Variants in RPL26L1 observed in about 807,000 individuals in gnomAD.
RPL26L1 encodes ribosomal protein uL24-like.
In RPL26L1, 8 loss-of-function variants were observed where a neutral mutation model predicts 15.2. The observed-to-expected ratio is 0.53, with a 90% CI of 0.31 to 0.95. The LOEUF (loss-of-function observed/expected upper bound fraction) is 0.95, where lower values mean the gene tolerates loss of function less well. Among genes scored for constraint, RPL26L1 ranks in the 40% least tolerant of loss-of-function variants. The pLI, the probability that RPL26L1 is intolerant of heterozygous loss-of-function variation, is 0.05. For synonymous variants in RPL26L1, 51 were observed against 65.9 expected (o/e 0.77, Z 1.09); for missense variants, 146 against 190.9 (o/e 0.76, Z 1.39).
At chr5:172,963,961 T>G (rs915588774) in intron 2 of RPL26L1, among the ~76,000 whole-genome samples, 9 of 152,178 alleles carry the variant, frequency 5.9e-5, no homozygotes, top group African/African-American at 2.2e-4. Flanking sequence ...TCTTGTTTGT[T>G]GTCTGACCTC....
upstream of RPL26L1, chr5:172,955,117 T>G: frequency 2.7e-6 from 1 of 364,232 alleles, no homozygotes; most frequent in Non-Finnish European, 5.3e-6. Flanking sequence ...TCATAAATAG[T>G]AGCTGTGGTT....
At chr5:172,967,808 CAT>C (rs573640581) in intron 2 of RPL26L1, among the ~76,000 whole-genome samples, 86 of 150,552 alleles carry the variant, frequency 5.7e-4, no homozygotes, top group African/African-American at 1.0e-3. Flanking sequence ...GTATATATGA[CAT>C]ATAAGTACAT....
In RPL26L1 at chr5:172,967,114, A is replaced by C. The variant is rs370030863; in HGVS notation, c.169-1345A>C. Among the ~76,000 whole-genome samples the C allele has an allele frequency of 4.3e-3, 654 of 150,932 alleles. 14 individuals are homozygous for C. Among genetic ancestry groups the C allele is most frequent in the South Asian group, 0.037 (171 of 4,674 alleles). On this transcript the variant is annotated intron_variant, in intron 2 of 3. Coordinates refer to ENST00000265100, the MANE Select transcript of RPL26L1 (RefSeq NM_016093.4). The stretch of plus-strand genomic sequence containing the variant: ...CATGATCCACCGGCTTTGGCCTCCC[A>C]AAGTGCTGGGATTACAGGTGTGAAC...
Position 172,960,029 on chromosome 5 carries a change from C to G in RPL26L1, c.156C>G (p.Asp52Glu), listed in dbSNP as rs770911503. The G allele has an allele frequency of 6.2e-7, 1 of 1,614,138 alleles. No homozygotes were observed. The highest frequency in any genetic ancestry group is 1.1e-5 in the South Asian group (1 of 91,080). Residue 52 changes from aspartate (D) to glutamate (E), a missense_variant, in exon 2 of 4, where the codon GAC becomes GAG. Asp to Glu is a conservative substitution (Grantham distance 45, BLOSUM62 2). Transcript: ENST00000265100. ...YNVRSMPIRKDDEVQVVRGHY... is the reference protein window; with the variant it reads ...YNVRSMPIRKEDEVQVVRGHY... ...TCCGCTCCATGCCCATCCGCAAGGA[C>G]GACGAGGTCCAGGTACGTCTCCCTC...
intron 2 of RPL26L1, among the ~76,000 whole-genome samples, chr5:172,962,566 C>T (rs552350335): frequency 6.6e-6 from 1 of 151,130 alleles, no homozygotes; most frequent in East Asian, 2.0e-4. Context: ...GCCTGTAATC[C>T]CAGCACTTTG....
At chr5:172,954,533 C>T (rs1292875253), upstream of RPL26L1, among the ~76,000 whole-genome samples, 2 of 151,836 alleles carry the variant, frequency 1.3e-5, no homozygotes, top group East Asian at 1.9e-4. Flanking sequence ...CAAGATCTAG[C>T]CGCTGCACTC....
chr5:172,964,596 AT>A (rs1379411745), intron 2 of RPL26L1, among the ~76,000 whole-genome samples: 1 of 152,052 alleles, frequency 6.6e-6, no homozygotes, highest in Non-Finnish European at 1.5e-5. Context: ...GCCTGTTGCC[AT>A]TTTTTGAATG....
upstream of RPL26L1, chr5:172,955,129 GTTTTTTTTTTT>G: frequency 4.4e-6 from 1 of 227,530 alleles, no homozygotes; most frequent in South Asian, 2.8e-5. Flanking sequence ...GCTGTGGTTA[GTTTTTTTTTTT>G]TTTTTTTTTT....
upstream of RPL26L1, chr5:172,954,965 T>C (rs1480809801): frequency 2.1e-5 from 9 of 432,304 alleles, no homozygotes; most frequent in Admixed American, 1.8e-4. Flanking sequence ...ATGGCTTCCC[T>C]GGGAAGTTGC....
chr5:172,966,187 A>T (rs1012286090), intron 2 of RPL26L1, among the ~76,000 whole-genome samples: 3 of 151,972 alleles, frequency 2.0e-5, no homozygotes, highest in Non-Finnish European at 2.9e-5. Context: ...TCTGTCACCC[A>T]GGCTGGAGTA....
At chr5:172,958,044 C>G (rs1194926777), upstream of RPL26L1, 1 of 244,328 alleles carries the variant, frequency 4.1e-6, no homozygotes, top group Non-Finnish European at 8.5e-6. Context: ...GCGGGAGAAT[C>G]ACCTGAGGTC....
At chr5:172,963,774 A>C (rs1048268909) in intron 2 of RPL26L1, among the ~76,000 whole-genome samples, 2 of 152,260 alleles carry the variant, frequency 1.3e-5, no homozygotes, top group African/African-American at 4.8e-5. Flanking sequence ...CAGTTTTGGC[A>C]AATGTAAAAC....
chr5:172,956,376 C>A (rs1473123539), upstream of RPL26L1, among the ~76,000 whole-genome samples: 1 of 151,978 alleles, frequency 6.6e-6, no homozygotes, highest in Non-Finnish European at 1.5e-5. Context: ...TAAATAATAA[C>A]CATATTGAGC....
chr5:172,965,300 G>GT (rs1755411703), intron 2 of RPL26L1, among the ~76,000 whole-genome samples: 1 of 152,128 alleles, frequency 6.6e-6, no homozygotes. Flanking sequence ...TTTCTCTGTA[G>GT]TTTCTTTTAC....
intron 2 of RPL26L1, among the ~76,000 whole-genome samples, chr5:172,961,199 G>T (rs1374617824): frequency 6.6e-6 from 1 of 152,134 alleles, no homozygotes; most frequent in East Asian, 1.9e-4. Context: ...AAAAAATGTG[G>T]AGTTAAGCCG....
chr5:172,959,421 CT>C (rs1467450326), upstream of RPL26L1: 6 of 998,234 alleles, frequency 6.0e-6, no homozygotes, highest in South Asian at 2.1e-4. Flanking sequence ...GGCACGGAAA[CT>C]CACTTCCGGC....
chr5:172,958,138 C>T (rs1411982052), upstream of RPL26L1: 2 of 332,930 alleles, frequency 6.0e-6, no homozygotes, highest in Non-Finnish European at 1.2e-5. Flanking sequence ...GTGGCGCATA[C>T]CTGTAATCCC....
intron 2 of RPL26L1, among the ~76,000 whole-genome samples, chr5:172,966,183 AC>A: frequency 6.6e-6 from 1 of 151,942 alleles, no homozygotes; most frequent in African/African-American, 2.4e-5. Flanking sequence ...TCACTCTGTC[AC>A]CCAGGCTGGA....
At chr5:172,960,230 A>G (rs1167420154) in intron 2 of RPL26L1, among the ~76,000 whole-genome samples, 189 bp downstream of exon 2, 1 of 152,216 alleles carries the variant, frequency 6.6e-6, no homozygotes, top group Non-Finnish European at 1.5e-5. Context: ...TAATTATTTA[A>G]TAGTAATAGT....
Sources: gnomAD v4.1 joint callset for allele counts (sites outside exome capture counted in the v4.1 genomes callset) on GRCh38, gnomAD v4.1.1 for gene constraint, MANE v1.5 for transcripts, NCBI Gene and HGNC (gene_info 2026-07-23, HGNC 2026-07-21) for gene names.